PIK3C2A: variants seen among roughly 807,000 people sequenced by gnomAD.
PIK3C2A encodes the protein phosphatidylinositol-4-phosphate 3-kinase catalytic subunit type 2 alpha.
Under a neutral mutation model 204.5 loss-of-function variants are expected in PIK3C2A, and 97 were observed. That is an observed-to-expected ratio of 0.47 (90% CI 0.40 to 0.56). The LOEUF is 0.56. Among genes scored for constraint, PIK3C2A ranks in the 20% least tolerant of loss-of-function variants. PIK3C2A has a pLI of 0.00. For missense variants in PIK3C2A, 1,735 were observed against 1,969.2 expected (o/e 0.88, Z 2.25); for synonymous variants, 653 against 664.4 (o/e 0.98, Z 0.26).
At chr11:17,175,147 AC>A (rs1851298287) in intron 1 of PIK3C2A, among the ~76,000 whole-genome samples, 2 of 152,154 alleles carry the variant, frequency 1.3e-5, no homozygotes, top group Non-Finnish European at 2.9e-5. Flanking sequence ...ATGAATGTTA[AC>A]TCTCATTTAC....
In PIK3C2A at chr11:17,089,525, T is replaced by C. The variant is rs1280186892; in HGVS notation, c.*213A>G. ...CTACATAATGACTTTAAAACAGCAA[T>C]GGCTTCCAAAAATTCAAAAAGGTTA... On this transcript the variant is annotated 3_prime_UTR_variant, in exon 33 of 33. Transcript: ENST00000691414. The C allele has an allele frequency of 6.4e-6, 3 of 469,794 alleles. No homozygotes were observed. The highest frequency in any genetic ancestry group is 7.5e-5 in the South Asian group (2 of 26,828). The allele number at this position is 469,794 out of a possible 1,614,324, so 29.1% of individuals were successfully genotyped here. A position where few individuals can be genotyped will look rare whatever the true frequency, so the allele number is the denominator to read the frequency against.
intron 4 of PIK3C2A, 91 bp from the exon 5 acceptor site, chr11:17,148,878 G>T: frequency 9.9e-7 from 1 of 1,013,264 alleles, no homozygotes; most frequent in Non-Finnish European, 1.4e-6. Flanking sequence ...GTATACAATA[G>T]AAATATAATG....
At chr11:17,106,977 C>T (rs773621225) in intron 22 of PIK3C2A, among the ~76,000 whole-genome samples, 1 of 152,152 alleles carries the variant, frequency 6.6e-6, no homozygotes, top group Non-Finnish European at 1.5e-5. Flanking sequence ...AATATAAATG[C>T]CTGGCTGAAC....
chr11:17,104,732 A>AC (rs927933934), intron 23 of PIK3C2A, among the ~76,000 whole-genome samples: 6 of 151,456 alleles, frequency 4.0e-5, no homozygotes, highest in Non-Finnish European at 8.8e-5. Context: ...CTCAAAAAAA[A>AC]AAAAAAAAAA....
intron 19 of PIK3C2A, among the ~76,000 whole-genome samples, chr11:17,116,628 C>T (rs1436829772): frequency 6.6e-6 from 1 of 151,038 alleles, no homozygotes; most frequent in East Asian, 1.9e-4. Flanking sequence ...CTTGCTCTGT[C>T]GCCCAGGCTG....
At chr11:17,150,715 G>T in intron 3 of PIK3C2A, 60 bp from the exon 4 acceptor site, 1 of 1,274,998 alleles carries the variant, frequency 7.8e-7, no homozygotes, top group South Asian at 1.6e-5. Flanking sequence ...TGAGGGCTCT[G>T]AACAAGGCTT....
chr11:17,128,905 T>C (rs755811432), intron 13 of PIK3C2A, among the ~76,000 whole-genome samples: 2 of 152,320 alleles, frequency 1.3e-5, no homozygotes, highest in Middle Eastern at 3.4e-3. Context: ...TGTGCACCTA[T>C]AGATTCTCTA....
Position 17,089,754 on chromosome 11 carries a change from G to A in PIK3C2A, c.5045C>T (p.Ala1682Val), listed in dbSNP as rs201133316. Reference protein sequence around the residue: ...KETVKWYQLTAATYL With the variant: ...KETVKWYQLTVATYL ...TTCACTAGTTTACAAGTATGTTGCC[G>A]CAGTCAGCTGATACCATTTAACCGT... Residue 1682 changes from alanine (A) to valine (V), a missense_variant, in exon 33 of 33, where the codon GCG becomes GTG. This residue lies in a region of PIK3C2A where 503 missense variants were observed against 669.0 expected (regional missense o/e 0.75). Transcript: ENST00000691414. The A allele has an allele frequency of 4.7e-5, 75 of 1,611,550 alleles. No individual in the cohort carries two copies. Among genetic ancestry groups the A allele is most frequent in the Middle Eastern group, 3.3e-4 (2 of 6,076 alleles).
At chr11:17,124,230 AT>A (rs1182186936) in intron 13 of PIK3C2A, among the ~76,000 whole-genome samples, 1 of 152,134 alleles carries the variant, frequency 6.6e-6, no homozygotes, top group Non-Finnish European at 1.5e-5. Flanking sequence ...TCCTGATCAT[AT>A]TATTTCATCT....
chr11:17,098,938 C>CAAA (rs1285776153), intron 26 of PIK3C2A, among the ~76,000 whole-genome samples: 1 of 152,206 alleles, frequency 6.6e-6, no homozygotes, highest in Non-Finnish European at 1.5e-5. Context: ...TTTTGTTCCT[C>CAAA]AGGCTGGAGT....
chr11:17,125,077 TCA>T (rs1849480933), intron 13 of PIK3C2A, among the ~76,000 whole-genome samples: 1 of 152,218 alleles, frequency 6.6e-6, no homozygotes, highest in Non-Finnish European at 1.5e-5. Flanking sequence ...TTACTATTGA[TCA>T]GTTTAGTTCT....
chr11:17,122,791 GT>G lies in PIK3C2A; in HGVS notation c.2421del (p.Lys807AsnfsTer28). ...TGTGATGAAGTCCAAAGATATAGAA[GT>G]TTAGTTCCACATGTTAAAAACCTTC... ...DFKRFLTCGT[K>X]LLYLWTSSHT... is the part of the protein sequence containing the mutation. On this transcript the variant is annotated frameshift_variant, in exon 14 of 33. Transcript: ENST00000691414. LOFTEE classifies it high-confidence loss of function. The G allele has an allele frequency of 6.7e-7, 1 of 1,493,580 alleles. No individual in the cohort carries two copies. The highest frequency in any genetic ancestry group is 9.2e-7 in the Non-Finnish European group (1 of 1,084,992). 92.5% of individuals were successfully genotyped at this position (1,493,580 alleles called of 1,614,324 possible). A position where few individuals can be genotyped will look rare whatever the true frequency, so the allele number is the denominator to read the frequency against.
At chr11:17,150,968 C>T (rs1045247214) in intron 3 of PIK3C2A, among the ~76,000 whole-genome samples, 1 of 152,128 alleles carries the variant, frequency 6.6e-6, no homozygotes, top group Non-Finnish European at 1.5e-5. Context: ...AAATCTTTTG[C>T]CACACAGTAC....
At chr11:17,112,808 C>G in intron 20 of PIK3C2A, 142 bp from the exon 21 acceptor site, 1 of 408,748 alleles carries the variant, frequency 2.4e-6, no homozygotes, top group Non-Finnish European at 4.4e-6. Flanking sequence ...CTGTTAGAGA[C>G]AGCGTCTTGC....
At chr11:17,162,865 C>T (rs924513613) in intron 2 of PIK3C2A, among the ~76,000 whole-genome samples, 4 of 152,212 alleles carry the variant, frequency 2.6e-5, no homozygotes, top group African/African-American at 9.6e-5. Flanking sequence ...ATGTCTCTTT[C>T]TAAGTTCCTT....
chr11:17,166,611 TG>T (rs1850958415), intron 2 of PIK3C2A, among the ~76,000 whole-genome samples: 1 of 152,246 alleles, frequency 6.6e-6, no homozygotes, highest in Non-Finnish European at 1.5e-5. Flanking sequence ...GCATTCATTG[TG>T]GGGCTCTGCC....
At chr11:17,136,006 A>T (rs1262210972) in intron 9 of PIK3C2A, among the ~76,000 whole-genome samples, 1 of 152,192 alleles carries the variant, frequency 6.6e-6, no homozygotes, top group Non-Finnish European at 1.5e-5. Flanking sequence ...CAACAGTATA[A>T]TCTAAAGGGA....
At chr11:17,142,889 T>C (rs1048075868) in intron 8 of PIK3C2A, among the ~76,000 whole-genome samples, 1 of 151,876 alleles carries the variant, frequency 6.6e-6, no homozygotes, top group African/African-American at 2.4e-5. Flanking sequence ...TAAAACCACT[T>C]AACTTTCAGA....
intron 13 of PIK3C2A, among the ~76,000 whole-genome samples, chr11:17,125,075 G>C (rs1296094912): frequency 3.9e-5 from 6 of 152,110 alleles, no homozygotes; most frequent in South Asian, 4.1e-4. Context: ...TGTTACTATT[G>C]ATCAGTTTAG....
Sources: gnomAD v4.1 joint callset for allele counts (sites outside exome capture counted in the v4.1 genomes callset) on GRCh38, gnomAD v4.1.1 for gene constraint, gnomAD v4.1.1 regional missense constraint, MANE v1.5 for transcripts, NCBI Gene and HGNC (gene_info 2026-07-23, HGNC 2026-07-21) for gene names.